The following GASK1B variants were observed in gnomAD, a reference collection of about 807,000 sequenced individuals.
GASK1B encodes the protein Golgi-associated kinase 1B.
In GASK1B, 34 loss-of-function variants were observed where a neutral mutation model predicts 42.8. The ratio of observed to expected loss-of-function variants is 0.79; its 90% CI spans 0.60 to 1.06. The LOEUF is 1.06. Ranked by LOEUF, GASK1B falls within the 50% of genes least tolerant of loss-of-function variation. The pLI is 0.00. For missense variants in GASK1B, 686 were observed against 661.0 expected, an observed-to-expected ratio of 1.04 and a Z score of -0.42; for synonymous variants, 262 against 259.1, an observed-to-expected ratio of 1.01 and a Z score of -0.11.
chr4:158,151,952 G>A lies in GASK1B; in HGVS notation c.1125+3659C>T, dbSNP rs182854702. Among the ~76,000 whole-genome samples, 1,295 of 152,294 alleles carry A rather than the reference G, an allele frequency of 8.5e-3. 10 individuals carry two copies. The highest frequency in any genetic ancestry group is 0.013 in the Non-Finnish European group (888 of 68,018). On this transcript the variant is annotated intron_variant, in intron 3 of 4. Coordinates refer to ENST00000585682, the MANE Select transcript of GASK1B (RefSeq NM_001128424.2). ...CCCACCCTCAATCTGGGTGGGCACC[G>A]TCTAATTAGCTGCCAGCACAGCTAG...
chr4:158,168,402 C>T (rs145965065), intron 2 of GASK1B: 5 of 152,216 alleles, frequency 3.3e-5, no homozygotes, highest in East Asian at 1.9e-4. Context: ...AGTCCTATCA[C>T]GTAACGAAGT....
chr4:158,141,207 C>T (rs1731100191), intron 3 of GASK1B, among the ~76,000 whole-genome samples: 2 of 151,998 alleles, frequency 1.3e-5, no homozygotes, highest in South Asian at 2.1e-4. Flanking sequence ...TGGAAGCAGA[C>T]ATGTGAGGAA....
chr4:158,134,890 C>T (rs1177383322), intron 3 of GASK1B, among the ~76,000 whole-genome samples: 1 of 152,178 alleles, frequency 6.6e-6, no homozygotes, highest in African/African-American at 2.4e-5. Flanking sequence ...TAAAGATGTT[C>T]CAACCCTATG....
chr4:158,129,805 T>A (rs764086757), intron 4 of GASK1B, among the ~76,000 whole-genome samples: 19 of 152,200 alleles, frequency 1.2e-4, no homozygotes, highest in Non-Finnish European at 2.6e-4. Context: ...GTCTCCACCC[T>A]ACCGCAGTCT....
rs529790658 is a variant in GASK1B, at chr4:158,145,460, G to C, written c.1125+10151C>G. On this transcript the variant is annotated intron_variant, in intron 3 of 4. Coordinates refer to ENST00000585682, the MANE Select transcript of GASK1B (RefSeq NM_001128424.2). ...AAAGAAAACCACCTTTAGGGAACAG[G>C]ATATTTCTGTAAGCACCATTTCTAC... Among the ~76,000 whole-genome samples the C allele has an allele frequency of 2.8e-4, 42 of 152,198 alleles. No homozygotes were observed. The East Asian group carries it at 8.1e-3, about 29-fold the overall frequency.
chr4:158,152,539 CA>C (rs1022910181), intron 3 of GASK1B, among the ~76,000 whole-genome samples: 84 of 143,428 alleles, frequency 5.9e-4, no homozygotes, highest in Admixed American at 1.0e-3. Context: ...AAGGACACAA[CA>C]AAAAAAAAAG....
chr4:158,140,241 C>G (rs142184667), intron 3 of GASK1B, among the ~76,000 whole-genome samples: 1 of 152,116 alleles, frequency 6.6e-6, no homozygotes, highest in East Asian at 1.9e-4. Context: ...AAACCATGCC[C>G]CAAACAGTTC....
At chr4:158,158,315 A>G (rs1560789550) in intron 2 of GASK1B, among the ~76,000 whole-genome samples, 1 of 152,136 alleles carries the variant, frequency 6.6e-6, no homozygotes, top group Non-Finnish European at 1.5e-5. Context: ...ACATAATCAC[A>G]TAATTCATCA....
chr4:158,135,138 C>T (rs895899091), intron 3 of GASK1B, among the ~76,000 whole-genome samples: 5 of 151,778 alleles, frequency 3.3e-5, no homozygotes, highest in African/African-American at 1.2e-4. Flanking sequence ...TGAGACCAGC[C>T]TGGCCAACAT....
At position 158,155,678 on chromosome 4, in the gene GASK1B, T is replaced by A. The variant is rs944694773; in HGVS notation, c.1058A>T (p.Glu353Val). ...ATGATGTATTTCAGTACAACCCGAT[T>A]CAGGCTTGGGTACTCGGCCATTCTG... ...CWQNGRVPKP[E>V]SGCTEIHHHE... Residue 353 changes from glutamate (E) to valine (V), a missense_variant, in exon 3 of 5, where the codon GAA becomes GTA. By Grantham distance (121) the Glu-to-Val change is moderately radical. Transcript: ENST00000585682. 1.2e-6 allele frequency: 2 copies of A among 1,613,912 alleles called. No individual in the cohort carries two copies. Among genetic ancestry groups the A allele is most frequent in the African/African-American group, 2.7e-5 (2 of 75,036 alleles).
In GASK1B at chr4:158,127,476, T is replaced by C; in HGVS notation, c.1491A>G (p.Glu497=). The change falls in exon 5 of 5, where the codon GAA becomes GAG. Residue 497 remains glutamate, a synonymous_variant. Transcript: ENST00000585682. ...QGIEKLIDVI[E]HRAKILITYI... is the part of the protein sequence containing the mutation. Reference sequence around the variant, plus strand: ...AGGTGATAAGAATTTTGGCTCTGTGTTCTATTACATCGATAAGCTTTTCAA... The same window carrying C: ...AGGTGATAAGAATTTTGGCTCTGTGCTCTATTACATCGATAAGCTTTTCAA... 1 of 1,613,832 alleles carries C rather than the reference T, an allele frequency of 6.2e-7. No homozygotes were observed. The highest frequency in any genetic ancestry group is 2.2e-5 in the East Asian group (1 of 44,848).
chr4:158,135,496 C>T (rs1412474039), intron 3 of GASK1B, among the ~76,000 whole-genome samples: 1 of 151,800 alleles, frequency 6.6e-6, no homozygotes, highest in African/African-American at 2.4e-5. Context: ...CTCATAGTAA[C>T]CTTAAGACAT....
At chr4:158,140,157 A>C (rs1451129481) in intron 3 of GASK1B, among the ~76,000 whole-genome samples, 1 of 152,196 alleles carries the variant, frequency 6.6e-6, no homozygotes, top group Non-Finnish European at 1.5e-5. Flanking sequence ...ACACTGAAAA[A>C]AGTGAAAAAC....
intron 3 of GASK1B, among the ~76,000 whole-genome samples, chr4:158,142,715 A>G (rs1731184296): frequency 6.6e-6 from 1 of 152,198 alleles, no homozygotes; most frequent in Non-Finnish European, 1.5e-5. Flanking sequence ...AGAACACACC[A>G]CTATCTACAA....
At chr4:158,159,688 T>G (rs1471868240) in intron 2 of GASK1B, 1 of 172,852 alleles carries the variant, frequency 5.8e-6, no homozygotes, top group African/African-American at 2.4e-5. Flanking sequence ...AATTAAAGGT[T>G]ATATAGCTGT....
Position 158,125,871 on chromosome 4 carries a change from T to C in GASK1B, c.*1536A>G, listed in dbSNP as rs1288362473. The stretch of plus-strand genomic sequence containing the variant: ...AAAACATTATTTTGACATTTTGTTC[T>C]ACAATTGTATCAATTAGATCTATAG... On this transcript the variant is annotated 3_prime_UTR_variant, in exon 5 of 5. Transcript: ENST00000585682. 2.0e-5 allele frequency: 3 copies of C among 152,152 alleles called. No individual in the cohort carries two copies. The highest frequency in any genetic ancestry group is 4.4e-5 in the Non-Finnish European group (3 of 68,012). 9.4% of individuals were successfully genotyped at this position (152,152 alleles called of 1,614,324 possible).
Position 158,126,794 on chromosome 4 carries a change from T to C in GASK1B, c.*613A>G, listed in dbSNP as rs1297672012. On this transcript the variant is annotated 3_prime_UTR_variant, in exon 5 of 5. Coordinates refer to ENST00000585682, the MANE Select transcript of GASK1B (RefSeq NM_001128424.2). ...TAAAAAGGAATGGAAAATATGATTC[T>C]TGTACTTAAATGACTGATTTTTTAT... 1.3e-5 allele frequency: 2 copies of C among 152,176 alleles called. No homozygotes were observed. Among genetic ancestry groups the C allele is most frequent in the East Asian group, 1.9e-4 (1 of 5,192 alleles). 9.4% of individuals were successfully genotyped at this position (152,176 alleles called of 1,614,324 possible).
intron 3 of GASK1B, among the ~76,000 whole-genome samples, chr4:158,136,895 G>A (rs574482070): frequency 5.9e-5 from 9 of 152,240 alleles, no homozygotes; most frequent in African/African-American, 2.2e-4. Context: ...CCACATAGTA[G>A]GTACTCAATA....
chr4:158,156,370 G>A (rs1164750234), intron 2 of GASK1B, among the ~76,000 whole-genome samples: 3 of 152,212 alleles, frequency 2.0e-5, no homozygotes, highest in African/African-American at 4.8e-5. Flanking sequence ...AAAGAGGCAA[G>A]AGGTTTTTTT....
Sources: allele counts gnomAD v4.1 joint callset (sites outside exome capture counted in the v4.1 genomes callset), GRCh38; gene constraint gnomAD v4.1.1; transcripts MANE v1.5; gene names NCBI Gene and HGNC (gene_info 2026-07-23, HGNC 2026-07-21).